Variants in FGF12 observed in about 807,000 individuals in gnomAD.
FGF12 encodes fibroblast growth factor 12, also known as fibroblast growth factor 12B.
A neutral mutation model predicts 23.6 loss-of-function variants in FGF12; 14 were observed. The ratio of observed to expected loss-of-function variants is 0.59; its 90% CI spans 0.39 to 0.93. The LOEUF (loss-of-function observed/expected upper bound fraction) is 0.93, where lower values mean the gene tolerates loss of function less well. FGF12 is among the 40% of genes least tolerant of loss of function. The pLI is 0.00. For synonymous variants in FGF12, 62 were observed against 77.3 expected (o/e 0.80, Z 1.04); for missense variants, 175 against 217.8 (o/e 0.80, Z 1.24).
Position 192,213,196 on chromosome 3 carries a change from G to A in FGF12, c.229-42540C>T, listed in dbSNP as rs572099732. On this transcript the variant is annotated intron_variant, in intron 4 of 5. Coordinates refer to ENST00000445105, the MANE Select transcript of FGF12 (RefSeq NM_004113.6). ...AGCACAATTGTCCCAGCAAGCGAGC[G>A]CCAGAGCAGCTGAAGGCGAAGGAGA... is the stretch of plus-strand genomic sequence containing the variant. Among the ~76,000 whole-genome samples the A allele has an allele frequency of 2.0e-4, 30 of 152,344 alleles. No individual in the cohort carries two copies. In the South Asian group the frequency reaches 4.6e-3, roughly 23 times the overall value.
chr3:192,439,828 T>G (rs1027360612), intron 2 of FGF12, among the ~76,000 whole-genome samples: 1 of 151,328 alleles, frequency 6.6e-6, no homozygotes, highest in African/African-American at 2.4e-5. Context: ...TACAAAAAAT[T>G]TAGCCGGGTG....
At chr3:192,458,869 C>T (rs540293889) in intron 2 of FGF12, among the ~76,000 whole-genome samples, 11 of 152,246 alleles carry the variant, frequency 7.2e-5, no homozygotes, top group East Asian at 3.9e-4. Context: ...ACAATTCCCA[C>T]GTGTTGTGGG....
chr3:192,595,466 T>C (rs1323453572), intron 2 of FGF12, among the ~76,000 whole-genome samples: 1 of 152,210 alleles, frequency 6.6e-6, no homozygotes, highest in Non-Finnish European at 1.5e-5. Context: ...CTTTGAGTTC[T>C]TAACGTCTGA....
rs148672560 is a variant in FGF12, at chr3:192,174,656, G to A, written c.229-4000C>T. On this transcript the variant is annotated intron_variant, in intron 4 of 5. Transcript: ENST00000445105. Reference sequence around the variant, plus strand: ...TATGTGCAGTTTCAGTTTCAATATGGAGTTGGGCATCAAAGAATTTACATT... The same window carrying A: ...TATGTGCAGTTTCAGTTTCAATATGAAGTTGGGCATCAAAGAATTTACATT... Among the ~76,000 whole-genome samples the A allele has an allele frequency of 1.5e-4, 23 of 151,748 alleles. No individual in the cohort carries two copies. In the East Asian group the frequency reaches 4.3e-3, roughly 28 times the overall value.
intron 4 of FGF12, among the ~76,000 whole-genome samples, chr3:192,223,930 A>T (rs1006915375): frequency 1.3e-5 from 2 of 152,100 alleles, no homozygotes; most frequent in African/African-American, 4.8e-5. Context: ...ACTTCCCCAT[A>T]GCCCATAAAA....
chr3:192,652,308 C>T (rs1716243565), intron 2 of FGF12, among the ~76,000 whole-genome samples: 1 of 152,100 alleles, frequency 6.6e-6, no homozygotes, highest in Admixed American at 6.5e-5. Context: ...CAATAGGGAG[C>T]ATAGCAAGGG....
intron 4 of FGF12, among the ~76,000 whole-genome samples, chr3:192,270,020 T>C (rs888442076): frequency 5.3e-5 from 8 of 152,184 alleles, no homozygotes; most frequent in Non-Finnish European, 1.0e-4. Context: ...ACTGTAGTAT[T>C]ACTGAAAAAG....
At chr3:192,353,880 C>G (rs1718344618) in intron 3 of FGF12, among the ~76,000 whole-genome samples, 1 of 152,212 alleles carries the variant, frequency 6.6e-6, no homozygotes, top group Non-Finnish European at 1.5e-5. Flanking sequence ...AAACAAATTT[C>G]TAACAAATTT....
chr3:192,173,629 T>C (rs1715695592), intron 4 of FGF12, among the ~76,000 whole-genome samples: 1 of 151,642 alleles, frequency 6.6e-6, no homozygotes, highest in South Asian at 2.1e-4. Flanking sequence ...CCCAAAGCTT[T>C]TTATTATTTT....
chr3:192,714,513 A>ATTTTTTTTTTTT lies in FGF12; in HGVS notation c.13+12656_13+12667dup, dbSNP rs770781442. 1.4e-4 allele frequency among the ~76,000 whole-genome samples: 14 copies of ATTTTTTTTTTTT among 99,754 alleles called. 1 individual carries two copies. The East Asian group carries it at 1.9e-3, about 14-fold the overall frequency. 65.4% of individuals were successfully genotyped at this position (99,754 alleles called of 152,430 possible). A position where few individuals can be genotyped will look rare whatever the true frequency, so the allele number is the denominator to read the frequency against. ...CTTATTTATAGATCTTAAGGAAATAATTTTTTTTTTTTTTTTTTTTTTTGA... is the reference window on the plus strand; with the variant it reads ...CTTATTTATAGATCTTAAGGAAATAATTTTTTTTTTTTTTTTTTTTTTTTTTTTTTTTTTTGA... On this transcript the variant is annotated intron_variant, in intron 2 of 5. Transcript: ENST00000445105.
chr3:192,553,869 G>A (rs1711632138), intron 2 of FGF12, among the ~76,000 whole-genome samples: 1 of 152,186 alleles, frequency 6.6e-6, no homozygotes, highest in African/African-American at 2.4e-5. Context: ...AAAGGGCCAG[G>A]TTGGGGACCA....
chr3:192,371,019 G>A (rs1378077991), intron 2 of FGF12, among the ~76,000 whole-genome samples: 2 of 152,174 alleles, frequency 1.3e-5, no homozygotes, highest in Non-Finnish European at 2.9e-5. Context: ...TCATGGAGGG[G>A]AGTTTGACAC....
At position 192,618,172 on chromosome 3, in the gene FGF12, G is replaced by A. The variant is rs115757704; in HGVS notation, c.13+109009C>T. Reference sequence around the variant, plus strand: ...CAGCCAAGGTCCTTTCTTATTGTACGTTTTTCTGATTTTATAATGGAATCA... The same window carrying A: ...CAGCCAAGGTCCTTTCTTATTGTACATTTTTCTGATTTTATAATGGAATCA... On this transcript the variant is annotated intron_variant, in intron 2 of 5. Transcript: ENST00000445105. Among the ~76,000 whole-genome samples the A allele has an allele frequency of 1.7e-3, 250 of 150,444 alleles. 1 individual carries two copies. Among genetic ancestry groups the A allele is most frequent in the African/African-American group, 5.9e-3 (240 of 40,884 alleles).
chr3:192,264,636 G>A (rs1712967825), intron 4 of FGF12, among the ~76,000 whole-genome samples: 1 of 152,076 alleles, frequency 6.6e-6, no homozygotes, highest in Non-Finnish European at 1.5e-5. Context: ...TGTACAGAGA[G>A]GATAGAAACG....
chr3:192,218,998 C>T (rs1197871665), intron 4 of FGF12, among the ~76,000 whole-genome samples: 5 of 152,170 alleles, frequency 3.3e-5, no homozygotes, highest in African/African-American at 1.2e-4. Flanking sequence ...GGTTGGCAAA[C>T]TTGGAAGTCC....
chr3:192,457,593 G>A (rs1722719096), intron 2 of FGF12, among the ~76,000 whole-genome samples: 1 of 152,178 alleles, frequency 6.6e-6, no homozygotes, highest in African/African-American at 2.4e-5. Flanking sequence ...TAGGTATCTG[G>A]CGGAAGAAAT....
At chr3:192,583,941 T>C (rs967212961) in intron 2 of FGF12, among the ~76,000 whole-genome samples, 2 of 152,192 alleles carry the variant, frequency 1.3e-5, no homozygotes, top group Admixed American at 6.5e-5. Context: ...AATAGGGTTC[T>C]GCTGACTTAA....
At chr3:192,160,753 A>G (rs929984654) in intron 5 of FGF12, among the ~76,000 whole-genome samples, 3 of 152,114 alleles carry the variant, frequency 2.0e-5, no homozygotes, top group African/African-American at 7.2e-5. Flanking sequence ...GAATATTCCT[A>G]TCTACTATGC....
intron 4 of FGF12, among the ~76,000 whole-genome samples, chr3:192,202,997 A>C (rs1717449306): frequency 6.6e-6 from 1 of 152,234 alleles, no homozygotes; most frequent in Non-Finnish European, 1.5e-5. Flanking sequence ...TGGTAAAAAT[A>C]CAATGCTAAA....
Sources: allele counts gnomAD v4.1 joint callset (sites outside exome capture counted in the v4.1 genomes callset), GRCh38; gene constraint gnomAD v4.1.1; transcripts MANE v1.5; gene names NCBI Gene and HGNC (gene_info 2026-07-23, HGNC 2026-07-21).